Variants in ERAP1 observed in about 807,000 individuals in gnomAD.
ERAP1 encodes adipocyte-derived leucine aminopeptidase.
ERAP1 carries 86 observed loss-of-function variants against 103.7 expected under a neutral mutation model. The ratio of observed to expected loss-of-function variants is 0.83; its 90% CI spans 0.70 to 0.99. The LOEUF (loss-of-function observed/expected upper bound fraction) is 0.99. Among genes scored for constraint, ERAP1 ranks in the 50% least tolerant of loss-of-function variants. ERAP1 has a pLI of 0.00. For missense variants in ERAP1, 1,009 were observed against 1,128.4 expected (o/e 0.89, Z 1.52); for synonymous variants, 398 against 402.4 (o/e 0.99, Z 0.13).
chr5:96,917,739 C>G, the ERAP1 span: 2 of 569,582 alleles, frequency 3.5e-6, no homozygotes, highest in South Asian at 5.0e-5. Context: ...ACCCCGTCTC[C>G]GCTAAAAATA....
At chr5:96,771,918 C>T, downstream of ERAP1, 1 of 383,270 alleles carries the variant, frequency 2.6e-6, no homozygotes, top group East Asian at 4.0e-5. Context: ...AAACCTTAAT[C>T]TTATAATTAA....
At chr5:96,891,345 GTA>G in the ERAP1 span, among the ~76,000 whole-genome samples, 1 of 132,438 alleles carries the variant, frequency 7.6e-6, no homozygotes, top group Non-Finnish European at 1.6e-5. Context: ...ACCTGTATAT[GTA>G]TATGTGTGTG....
chr5:96,879,904 C>A, the ERAP1 span: 14 of 1,614,010 alleles, frequency 8.7e-6, no homozygotes, highest in African/African-American at 1.3e-5. Context: ...CCAGTGTGGT[C>A]ATTCCTCTCC....
At chr5:96,911,615 G>C in the ERAP1 span, among the ~76,000 whole-genome samples, 1 of 152,112 alleles carries the variant, frequency 6.6e-6, no homozygotes, top group African/African-American at 2.4e-5. Context: ...GCCAAGTGCC[G>C]TAGCTCATGC....
the ERAP1 span, among the ~76,000 whole-genome samples, chr5:96,846,052 G>A: frequency 0.024 from 3,596 of 152,200 alleles, 152 homozygotes; most frequent in African/African-American, 0.083. Flanking sequence ...ACAGATGCTT[G>A]TATCAATGTC....
At chr5:96,765,688 G>A (rs1259484193) in intron 19 of ERAP1, among the ~76,000 whole-genome samples, 1 of 152,044 alleles carries the variant, frequency 6.6e-6, no homozygotes, top group Non-Finnish European at 1.5e-5. Flanking sequence ...AAGGTACAGT[G>A]GCCTGATTTT....
chr5:96,790,545 T>C lies in ERAP1; in HGVS notation c.1419A>G (p.Thr473=), dbSNP rs1776620158. Residue 473 remains threonine, a synonymous_variant, in exon 9 of 19, where the codon ACA becomes ACG. Transcript: ENST00000443439. ...TACTATCCCACAGGTCCTCGTTTTT[T>C]GTATTTTTATAGCTATGCTTCTGGA... ...QYLQKHSYKN[T]KNEDLWDSMA... The C allele has an allele frequency of 6.2e-7, 1 of 1,614,036 alleles. No individual in the cohort carries two copies. Among genetic ancestry groups the C allele is most frequent in the Non-Finnish European group, 8.5e-7 (1 of 1,179,908 alleles).
chr5:96,799,746 A>T (rs1777770561), intron 3 of ERAP1, among the ~76,000 whole-genome samples: 1 of 152,222 alleles, frequency 6.6e-6, no homozygotes, highest in Non-Finnish European at 1.5e-5. Flanking sequence ...CTGTATATTA[A>T]ATTTATATTA....
the ERAP1 span, among the ~76,000 whole-genome samples, chr5:96,851,315 G>A: frequency 6.6e-6 from 1 of 152,168 alleles, no homozygotes; most frequent in Non-Finnish European, 1.5e-5. Flanking sequence ...TAATCAGGCT[G>A]CACTGTGCTT....
rs3213809 is a variant in ERAP1 at position 96,792,130 on chromosome 5, G to A, written c.1251C>T (p.His417=). 0.13 allele frequency: 207,680 copies of A among 1,613,472 alleles called. 14,388 individuals are homozygous for A. The highest frequency in any genetic ancestry group is 0.22 in the Admixed American group (13,036 of 60,008). The change falls in exon 8 of 19, where the codon CAC becomes CAT. Residue 417 remains histidine (H), a synonymous_variant. Coordinates refer to ENST00000443439, the MANE Select transcript of ERAP1 (RefSeq NM_001040458.3). ...GATTTTCCACAGGTGTAGACACAGGGTGTGAGGAATTTAAAGCATCTACCT... is the reference window on the plus strand; with the variant it reads ...GATTTTCCACAGGTGTAGACACAGGATGTGAGGAATTTAAAGCATCTACCT... ...AMEVDALNSS[H]PVSTPVENPA... is the part of the protein sequence containing the mutation.
the ERAP1 span, among the ~76,000 whole-genome samples, chr5:96,829,631 G>A: frequency 3.3e-5 from 5 of 152,254 alleles, no homozygotes; most frequent in South Asian, 4.1e-4. Flanking sequence ...GAGGACACAG[G>A]GAAGCAGAGT....
At position 96,775,484 on chromosome 5, in the gene ERAP1, C is replaced by G. The variant is rs1188000558; in HGVS notation, c.*912G>C. 5.1e-6 allele frequency: 5 copies of G among 985,376 alleles called. No individual in the cohort carries two copies. Among genetic ancestry groups the G allele is most frequent in the Admixed American group, 6.2e-5 (1 of 16,250 alleles). The allele number at this position is 985,376 out of a possible 1,614,324, so 61.0% of individuals were successfully genotyped here. On this transcript the variant is annotated 3_prime_UTR_variant, in exon 19 of 19. Coordinates refer to ENST00000443439, the MANE Select transcript of ERAP1 (RefSeq NM_001040458.3). ...AAGGGTTTTCCTACAGACTTGAATGCACTCTGCTTTTTCAGAAGAGATACT... is the reference window on the plus strand; with the variant it reads ...AAGGGTTTTCCTACAGACTTGAATGGACTCTGCTTTTTCAGAAGAGATACT...
At chr5:96,896,704 T>C in the ERAP1 span, 1 of 1,549,492 alleles carries the variant, frequency 6.5e-7, no homozygotes, top group Non-Finnish European at 8.7e-7. Context: ...TTTATCTCTT[T>C]TTTCAACTCT....
the ERAP1 span, among the ~76,000 whole-genome samples, chr5:96,890,367 C>A: frequency 1.3e-5 from 2 of 152,186 alleles, no homozygotes; most frequent in Non-Finnish European, 2.9e-5. Context: ...CTATGAGAAT[C>A]TAATGACACC....
chr5:96,808,189 TG>T, upstream of ERAP1: 1 of 14,206 alleles, frequency 7.0e-5, no homozygotes, highest in East Asian at 9.5e-4. Context: ...CGCGGATCCG[TG>T]TGTGTGTGTG....
chr5:96,909,863 A>AT, the ERAP1 span: 1 of 1,235,128 alleles, frequency 8.1e-7, no homozygotes, highest in Non-Finnish European at 1.1e-6. Flanking sequence ...TAGTGAGGAT[A>AT]GAAAAAAAAA....
chr5:96,895,129 A>T, the ERAP1 span: 1 of 614,012 alleles, frequency 1.6e-6, no homozygotes, highest in Non-Finnish European at 2.8e-6. Flanking sequence ...AAGGGTAGCA[A>T]AGAGAGAAGA....
In ERAP1 at chr5:96,784,056, CT is replaced by C; in HGVS notation, c.1967del (p.Lys656ArgfsTer9). The part of the protein sequence containing the change: ...LVSIGKLSIE[K>X]ALDLSLYLKH... ...TCAAGTACAGGGATAAATCCAAGGC[CT>C]TTTCAATGGACAGCTTCCCAATGCT... On this transcript the variant is annotated frameshift_variant, in exon 14 of 19. Transcript: ENST00000443439. LOFTEE classifies it high-confidence loss of function. The C allele has an allele frequency of 6.2e-7, 1 of 1,614,058 alleles. No individual in the cohort carries two copies. Among genetic ancestry groups the C allele is most frequent in the South Asian group, 1.1e-5 (1 of 91,088 alleles).
At chr5:96,923,223 G>C in the ERAP1 span, among the ~76,000 whole-genome samples, 76,338 of 151,910 alleles carry the variant, frequency 0.5, 19,397 homozygotes, top group African/African-American at 0.58. Context: ...GCCGCCTTGG[G>C]CTCACAAAGG....
Sources: allele counts gnomAD v4.1 joint callset (sites outside exome capture counted in the v4.1 genomes callset), GRCh38; gene constraint gnomAD v4.1.1; transcripts MANE v1.5; gene names NCBI Gene and HGNC (gene_info 2026-07-23, HGNC 2026-07-21).